The following TF variants were observed in gnomAD, a reference collection of about 807,000 sequenced individuals.
TF encodes the protein serotransferrin.
Under a neutral mutation model 82.4 loss-of-function variants are expected in TF, and 55 were observed. The observed-to-expected ratio is 0.67, with a 90% CI of 0.54 to 0.84. The LOEUF is 0.84. Among genes scored for constraint, TF ranks in the 40% least tolerant of loss-of-function variants. The pLI is 0.00. For missense variants in TF, 737 were observed against 868.4 expected, an observed-to-expected ratio of 0.85 and a Z score of 1.90; for synonymous variants, 332 against 332.6, an observed-to-expected ratio of 1.00 and a Z score of 0.02.
chr3:133,763,057 T>G (rs1002961783), intron 9 of TF, among the ~76,000 whole-genome samples: 1 of 152,190 alleles, frequency 6.6e-6, no homozygotes, highest in Admixed American at 6.5e-5. Flanking sequence ...ACAACTACCT[T>G]TACCTAACCT....
chr3:133,680,018 A>T, the TF span, among the ~76,000 whole-genome samples: 1 of 152,086 alleles, frequency 6.6e-6, no homozygotes, highest in Admixed American at 6.6e-5. Context: ...TAGTGAAATC[A>T]ATCTCTATGT....
intron 9 of TF, among the ~76,000 whole-genome samples, 158 bp from the exon 10 acceptor site, chr3:133,764,024 G>A (rs1401743043): frequency 6.6e-6 from 1 of 152,226 alleles, no homozygotes; most frequent in African/African-American, 2.4e-5. Flanking sequence ...TTTCTCTGCT[G>A]AGTGTGCCTG....
chr3:133,755,237 G>T, intron 4 of TF, 126 bp from the exon 5 acceptor site: 1 of 1,239,532 alleles, frequency 8.1e-7, no homozygotes, highest in South Asian at 1.2e-5. Flanking sequence ...ATAAGGGCAA[G>T]CTGGGGCTGC....
intron 13 of TF, 85 bp downstream of exon 13, chr3:133,768,249 T>C: frequency 6.4e-7 from 1 of 1,552,258 alleles, no homozygotes; most frequent in East Asian, 2.3e-5. Context: ...GATTCTTAGG[T>C]TCCTATTCCA....
chr3:133,671,090 A>C, the TF span, among the ~76,000 whole-genome samples: 1 of 152,250 alleles, frequency 6.6e-6, no homozygotes, highest in African/African-American at 2.4e-5. Context: ...CACCTTGAAG[A>C]GGCTCCAATA....
At chr3:133,722,045 A>G in the TF span, among the ~76,000 whole-genome samples, 5 of 151,908 alleles carry the variant, frequency 3.3e-5, no homozygotes, top group Non-Finnish European at 7.4e-5. Context: ...AAGCTCGGCT[A>G]ATTTTTTTGT....
chr3:133,725,479 A>T, the TF span, among the ~76,000 whole-genome samples: 1 of 152,162 alleles, frequency 6.6e-6, no homozygotes, highest in Non-Finnish European at 1.5e-5. Flanking sequence ...GTGTATAAGA[A>T]TGCTTGTGAT....
the TF span, among the ~76,000 whole-genome samples, chr3:133,704,857 A>G: frequency 6.6e-6 from 1 of 152,052 alleles, no homozygotes. Flanking sequence ...GCTGGTGTAA[A>G]AGAGGGTTTC....
the TF span, among the ~76,000 whole-genome samples, chr3:133,675,242 C>CAA: frequency 0.039 from 2,173 of 55,356 alleles, 113 homozygotes; most frequent in Non-Finnish European, 0.041. Context: ...GAGACTCTGT[C>CAA]AAAAAAAAAA....
At chr3:133,748,194 C>T (rs1158008746) in intron 1 of TF, 1 of 615,442 alleles carries the variant, frequency 1.6e-6, no homozygotes, top group East Asian at 2.9e-5. Flanking sequence ...CTCTGGCCAG[C>T]AGAGGGTGGT....
chr3:133,687,501 C>A, the TF span, among the ~76,000 whole-genome samples: 2 of 152,118 alleles, frequency 1.3e-5, no homozygotes, highest in African/African-American at 4.8e-5. Flanking sequence ...AAATGTTGTA[C>A]AACCATCATC....
the TF span, among the ~76,000 whole-genome samples, chr3:133,677,190 G>T: frequency 6.6e-6 from 1 of 152,176 alleles, no homozygotes. Flanking sequence ...AGCATCAGCA[G>T]CTTTCCCGTT....
At position 133,793,367 on chromosome 3, in the gene TF, C is replaced by T. The variant is rs1934893293; in HGVS notation, c.*14747C>T. The T allele has an allele frequency of 6.6e-6, 1 of 152,058 alleles. No individual in the cohort carries two copies. Among genetic ancestry groups the T allele is most frequent in the South Asian group, 2.1e-4 (1 of 4,812 alleles). The allele number at this position is 152,058 out of a possible 1,614,324, so 9.4% of individuals were successfully genotyped here. ...ACATATTTAATAGGCTTCCCAAAAT[C>T]AAATTTCAGCTTCAAAATTGTCTTT... is the stretch of plus-strand genomic sequence containing the variant. On this transcript the variant is annotated 3_prime_UTR_variant, in exon 17 of 17. Transcript: ENST00000402696.
At chr3:133,704,531 C>T in the TF span, among the ~76,000 whole-genome samples, 22 of 152,112 alleles carry the variant, frequency 1.4e-4, no homozygotes, top group Non-Finnish European at 3.2e-4. Flanking sequence ...AAAATAACAC[C>T]TTTACTTCTG....
the TF span, among the ~76,000 whole-genome samples, chr3:133,732,160 T>A: frequency 1.3e-5 from 2 of 152,328 alleles, no homozygotes; most frequent in South Asian, 4.2e-4. Flanking sequence ...TGCTGGATAC[T>A]GTACTAGGTG....
chr3:133,697,419 C>T, the TF span, among the ~76,000 whole-genome samples: 6 of 152,214 alleles, frequency 3.9e-5, no homozygotes, highest in Non-Finnish European at 5.9e-5. Context: ...CCTTTGGATG[C>T]TCAGGTTACC....
intron 7 of TF, among the ~76,000 whole-genome samples, chr3:133,757,355 A>G (rs1353511716): frequency 6.6e-6 from 1 of 151,978 alleles, no homozygotes; most frequent in Non-Finnish European, 1.5e-5. Context: ...CTCTCTCCCC[A>G]TGCCCCTCAG....
At chr3:133,724,312 C>T in the TF span, among the ~76,000 whole-genome samples, 44 of 152,316 alleles carry the variant, frequency 2.9e-4, no homozygotes, top group Admixed American at 8.5e-4. Context: ...TCCTCTCCAG[C>T]ACCTGTTGTT....
chr3:133,692,337 C>G, the TF span, among the ~76,000 whole-genome samples: 2 of 152,216 alleles, frequency 1.3e-5, no homozygotes, highest in African/African-American at 2.4e-5. Flanking sequence ...CAGTCTGACT[C>G]TTGCAGGGCC....
Sources: allele counts gnomAD v4.1 joint callset (sites outside exome capture counted in the v4.1 genomes callset), GRCh38; gene constraint gnomAD v4.1.1; transcripts MANE v1.5; gene names NCBI Gene and HGNC (gene_info 2026-07-23, HGNC 2026-07-21).